The following MYCBP2 variants were observed in gnomAD, a reference collection of about 807,000 sequenced individuals.
MYCBP2 encodes MYC binding protein 2.
A neutral mutation model predicts 525.3 loss-of-function variants in MYCBP2; 120 were observed. The observed-to-expected ratio is 0.23, with a 90% CI of 0.20 to 0.27. MYCBP2 has a LOEUF of 0.27. Ranked by LOEUF, MYCBP2 falls within the 10% of genes least tolerant of loss-of-function variation. MYCBP2 has a pLI of 1.00. For synonymous variants in MYCBP2, 1,894 were observed against 1,955.8 expected, an observed-to-expected ratio of 0.97 and a Z score of 0.83; for missense variants, 4,149 against 5,657.1, an observed-to-expected ratio of 0.73 and a Z score of 8.55.
In MYCBP2 at chr13:77,263,736, T is replaced by C; in HGVS notation, c.1485A>G (p.Gln495=). 3.7e-6 allele frequency: 6 copies of C among 1,613,264 alleles called. No homozygotes were observed. Among genetic ancestry groups the C allele is most frequent in the Non-Finnish European group, 5.1e-6 (6 of 1,179,474 alleles). ...TTCTAGCCAGTTTAAGTTGCAATTC[T>C]TGCTGTAGAACAGGTTCAGTGCTTG... ...FATSTEPVLQ[Q]ELQLKLARKC... is the part of the protein sequence containing the mutation. The change falls in exon 10 of 83, where the codon CAA becomes CAG. Residue 495 remains glutamine (Q), a synonymous_variant. Coordinates refer to ENST00000544440, the MANE Select transcript of MYCBP2 (RefSeq NM_015057.5).
intron 26 of MYCBP2, among the ~76,000 whole-genome samples, chr13:77,200,922 C>T (rs1162649760): frequency 3.9e-5 from 6 of 151,954 alleles, no homozygotes; most frequent in African/African-American, 1.5e-4. Context: ...CAACCGGTAC[C>T]AGCCACTGCA....
chr13:77,217,292 G>C (rs1210897781), intron 21 of MYCBP2, among the ~76,000 whole-genome samples: 1 of 152,138 alleles, frequency 6.6e-6, no homozygotes, highest in African/African-American at 2.4e-5. Context: ...TATCTACTAT[G>C]CCCAAACTAC....
intron 49 of MYCBP2, among the ~76,000 whole-genome samples, chr13:77,141,399 C>T (rs1227946411): frequency 6.6e-6 from 1 of 152,052 alleles, no homozygotes; most frequent in African/African-American, 2.4e-5. Flanking sequence ...ACTCTCTGTG[C>T]CTCAATTTCT....
intron 1 of MYCBP2, among the ~76,000 whole-genome samples, chr13:77,310,754 A>T (rs913618784): frequency 6.8e-6 from 1 of 146,604 alleles, no homozygotes; most frequent in African/African-American, 2.5e-5. Context: ...GGATACACAC[A>T]CACAGAGACA....
chr13:77,261,995 G>T, intron 11 of MYCBP2, 58 bp downstream of exon 11: 2 of 1,317,598 alleles, frequency 1.5e-6, no homozygotes, highest in South Asian at 1.3e-5. Flanking sequence ...TCAACAGATT[G>T]TATTTTAATC....
chr13:77,137,488 C>G (rs1292981038), intron 52 of MYCBP2, among the ~76,000 whole-genome samples: 1 of 152,098 alleles, frequency 6.6e-6, no homozygotes, highest in African/African-American at 2.4e-5. Flanking sequence ...TGTGGTAGCT[C>G]ATGCCTGTAA....
intron 17 of MYCBP2, among the ~76,000 whole-genome samples, chr13:77,234,206 C>G (rs1264271335): frequency 6.6e-6 from 1 of 151,774 alleles, no homozygotes; most frequent in East Asian, 1.9e-4. Flanking sequence ...TACAGCAGAA[C>G]TATAGTTTCC....
At position 77,065,984 on chromosome 13, in the gene MYCBP2, GAA is replaced by G; in HGVS notation, c.12552+6_12552+7del. The G allele has an allele frequency of 6.2e-7, 1 of 1,603,492 alleles. No individual in the cohort carries two copies. ...CTTCACTGCCAAAACAGAAGAATGG[GAA>G]CTTACTGCTGCCATATCCTTGATAA... On this transcript the variant is annotated splice_donor_region_variant and intron_variant, in intron 72 of 82. Transcript: ENST00000544440.
At chr13:77,271,559 G>A (rs2074898974) in intron 5 of MYCBP2, among the ~76,000 whole-genome samples, 1 of 152,194 alleles carries the variant, frequency 6.6e-6, no homozygotes, top group Non-Finnish European at 1.5e-5. Flanking sequence ...CCCAGTGGGA[G>A]GTAACTGGAT....
chr13:77,232,501 T>G (rs2067271358), intron 18 of MYCBP2, among the ~76,000 whole-genome samples: 1 of 152,196 alleles, frequency 6.6e-6, no homozygotes, highest in South Asian at 2.1e-4. Context: ...TATATTTAAT[T>G]AACCCAGAAC....
chr13:77,159,552 T>G (rs895893379), intron 44 of MYCBP2, among the ~76,000 whole-genome samples: 2 of 152,178 alleles, frequency 1.3e-5, no homozygotes, highest in Non-Finnish European at 2.9e-5. Context: ...TCTCCACATG[T>G]TGGGGGAGTG....
Position 77,081,344 on chromosome 13 carries a change from G to T in MYCBP2, c.11418+83C>A. On this transcript the variant is annotated intron_variant, in intron 65 of 82. Coordinates refer to ENST00000544440, the MANE Select transcript of MYCBP2 (RefSeq NM_015057.5). This position sits in a 1 kb window ranked among gnomAD's most constrained non-coding sequence, Gnocchi z 4.6. The stretch of plus-strand genomic sequence containing the variant: ...GGTGAAATTCCAGGTGATAAAGCTT[G>T]TTGCTAAATTCAGAAATGAAAGTGC... 8.5e-7 allele frequency: 1 copy of T among 1,170,782 alleles called. No homozygotes were observed. The highest frequency in any genetic ancestry group is 1.2e-6 in the Non-Finnish European group (1 of 810,006). 72.5% of individuals were successfully genotyped at this position (1,170,782 alleles called of 1,614,324 possible). A position where few individuals can be genotyped will look rare whatever the true frequency, so the allele number is the denominator to read the frequency against.
chr13:77,168,053 G>T (rs937652988), intron 40 of MYCBP2, among the ~76,000 whole-genome samples: 2 of 151,982 alleles, frequency 1.3e-5, no homozygotes, highest in African/African-American at 4.8e-5. Context: ...TTACATTGGG[G>T]TTGTAAATTT....
At chr13:77,078,265 C>A (rs550143615) in intron 66 of MYCBP2, among the ~76,000 whole-genome samples, 1 of 152,106 alleles carries the variant, frequency 6.6e-6, no homozygotes, top group Non-Finnish European at 1.5e-5. Flanking sequence ...AAGCGATTGG[C>A]CAACTTTTTG....
In MYCBP2 at chr13:77,110,591, AT is replaced by A. The variant is rs112617552; in HGVS notation, c.8140+10781del. 2.0e-3 allele frequency among the ~76,000 whole-genome samples: 306 copies of A among 152,102 alleles called. 2 individuals are homozygous for A. Among genetic ancestry groups the A allele is most frequent in the African/African-American group, 5.4e-3 (222 of 41,466 alleles). ...TTTGTGACCTACTCCCTGTTCTTGC[AT>A]CCCCTCCCTTTTTGATAAAAACCTG... On this transcript the variant is annotated intron_variant, in intron 55 of 82. Transcript: ENST00000544440.
intron 27 of MYCBP2, among the ~76,000 whole-genome samples, chr13:77,192,678 T>C (rs2061397281): frequency 2.0e-5 from 3 of 152,164 alleles, no homozygotes; most frequent in Non-Finnish European, 4.4e-5. Flanking sequence ...AGAGTAGTGG[T>C]AGAAAGTCAA....
chr13:77,105,723 A>C (rs1167120589), intron 55 of MYCBP2, among the ~76,000 whole-genome samples: 1 of 152,132 alleles, frequency 6.6e-6, no homozygotes, highest in African/African-American at 2.4e-5. Flanking sequence ...ATTCCTCTCC[A>C]CAAAATTTTG....
At chr13:77,233,308 G>A in intron 17 of MYCBP2, 45 bp from the exon 18 acceptor site, 8 of 1,384,988 alleles carry the variant, frequency 5.8e-6, no homozygotes, top group Non-Finnish European at 8.2e-6. Flanking sequence ...CTCACAAAAT[G>A]AAAACACTAT....
At chr13:77,260,705 T>A in intron 12 of MYCBP2, 113 bp from the exon 13 acceptor site, 2 of 952,798 alleles carry the variant, frequency 2.1e-6, no homozygotes, top group Non-Finnish European at 3.0e-6. Flanking sequence ...ATGACACTAT[T>A]TGTTTATTTT....
Sources: gnomAD v4.1 joint callset for allele counts (sites outside exome capture counted in the v4.1 genomes callset) on GRCh38, gnomAD v4.1.1 for gene constraint, Gnocchi (gnomAD v3.1) non-coding constraint, MANE v1.5 for transcripts, NCBI Gene and HGNC (gene_info 2026-07-23, HGNC 2026-07-21) for gene names.